Variants in ERC2 observed in about 807,000 individuals in gnomAD.
ERC2 encodes ERC protein 2.
In ERC2, 42 loss-of-function variants were observed where a neutral mutation model predicts 114.8. The ratio of observed to expected loss-of-function variants is 0.37; its 90% CI spans 0.29 to 0.47. ERC2 has a LOEUF of 0.47. Among genes scored for constraint, ERC2 ranks in the 20% least tolerant of loss-of-function variants. The pLI is 0.99. For missense variants in ERC2, 939 were observed against 1,150.7 expected (o/e 0.82, Z 2.66); for synonymous variants, 454 against 425.5 (o/e 1.07, Z -0.82).
chr3:56,371,223 C>G (rs2059351173), intron 2 of ERC2, among the ~76,000 whole-genome samples: 1 of 152,148 alleles, frequency 6.6e-6, no homozygotes, highest in African/African-American at 2.4e-5. Context: ...GTCTCAAAAC[C>G]TCTGCAGCAA....
At chr3:56,377,018 G>A (rs1180245915) in intron 2 of ERC2, among the ~76,000 whole-genome samples, 1 of 152,106 alleles carries the variant, frequency 6.6e-6, no homozygotes. Flanking sequence ...ACAGTATCCT[G>A]ATGCACCTCC....
chr3:55,525,700 C>T (rs2053266763), intron 17 of ERC2, among the ~76,000 whole-genome samples: 1 of 151,638 alleles, frequency 6.6e-6, no homozygotes, highest in East Asian at 1.9e-4. Flanking sequence ...CAAGCAAGGC[C>T]AGGCCACGTG....
chr3:56,408,876 G>C (rs766627603), intron 2 of ERC2, among the ~76,000 whole-genome samples: 1 of 152,226 alleles, frequency 6.6e-6, no homozygotes, highest in Non-Finnish European at 1.5e-5. Context: ...AAGGCCCTAA[G>C]GCACAGCTCT....
chr3:56,270,047 T>G (rs933911687), intron 3 of ERC2, among the ~76,000 whole-genome samples: 1 of 141,180 alleles, frequency 7.1e-6, no homozygotes, highest in African/African-American at 2.6e-5. Flanking sequence ...AGATATCTCC[T>G]CCCTACACCC....
intron 14 of ERC2, among the ~76,000 whole-genome samples, chr3:55,822,689 C>T (rs1193131694): frequency 6.6e-6 from 1 of 150,764 alleles, no homozygotes; most frequent in Non-Finnish European, 1.5e-5. Context: ...CTCAGCCTCC[C>T]CGAGTAGCTG....
At chr3:56,174,792 A>G (rs533460759) in intron 3 of ERC2, among the ~76,000 whole-genome samples, 1 of 152,272 alleles carries the variant, frequency 6.6e-6, no homozygotes, top group South Asian at 2.1e-4. Context: ...ATCCTGGCCA[A>G]CACGGTGAAA....
At chr3:55,956,967 A>G (rs930682313) in intron 12 of ERC2, among the ~76,000 whole-genome samples, 6 of 152,102 alleles carry the variant, frequency 3.9e-5, no homozygotes, top group Admixed American at 2.0e-4. Context: ...GGGCCCAGAG[A>G]CAAAGCCACC....
chr3:56,236,525 C>T (rs1366663793), intron 3 of ERC2, among the ~76,000 whole-genome samples: 2 of 152,126 alleles, frequency 1.3e-5, no homozygotes, highest in Non-Finnish European at 2.9e-5. Context: ...ATCCTTGGGG[C>T]TTTTCGAGAA....
intron 14 of ERC2, among the ~76,000 whole-genome samples, chr3:55,873,796 T>A (rs1299213415): frequency 6.6e-6 from 1 of 151,198 alleles, no homozygotes; most frequent in Non-Finnish European, 1.5e-5. Context: ...CCCCTTCACC[T>A]AATGTAGCTC....
At chr3:56,163,705 T>C in intron 4 of ERC2, among the ~76,000 whole-genome samples, 1 of 152,128 alleles carries the variant, frequency 6.6e-6, no homozygotes, top group South Asian at 2.1e-4. Flanking sequence ...GTTTGTTTGC[T>C]TTTTATTTGC....
chr3:56,340,024 C>T (rs1024275230), intron 2 of ERC2, among the ~76,000 whole-genome samples: 2 of 152,156 alleles, frequency 1.3e-5, no homozygotes, highest in Non-Finnish European at 2.9e-5. Flanking sequence ...AAGTGACATC[C>T]TGATGCAAAT....
rs534342000 is a variant in ERC2, at chr3:55,823,615, C to T, written c.2564+64774G>A. 1.6e-4 allele frequency among the ~76,000 whole-genome samples: 25 copies of T among 152,290 alleles called. No individual in the cohort carries two copies. In the South Asian group the frequency reaches 4.8e-3, roughly 29 times the overall value. On this transcript the variant is annotated intron_variant, in intron 14 of 17. Coordinates refer to ENST00000288221, the MANE Select transcript of ERC2 (RefSeq NM_015576.3). ...GACCTGGCCTACTGGAATTGAGAAGCTTTCTCTAAATCCATAGATGAGTAG... is the reference window on the plus strand; with the variant it reads ...GACCTGGCCTACTGGAATTGAGAAGTTTTCTCTAAATCCATAGATGAGTAG...
At chr3:56,266,285 C>G (rs959385829) in intron 3 of ERC2, among the ~76,000 whole-genome samples, 3 of 151,242 alleles carry the variant, frequency 2.0e-5, no homozygotes, top group African/African-American at 7.3e-5. Context: ...CGCCCACCAC[C>G]ATGCCCAGCT....
intron 3 of ERC2, among the ~76,000 whole-genome samples, chr3:56,188,171 C>G (rs972645537): frequency 3.3e-5 from 5 of 152,210 alleles, no homozygotes; most frequent in African/African-American, 1.2e-4. Flanking sequence ...GAGGGCCACC[C>G]TTCTGGGCAT....
intron 1 of ERC2, among the ~76,000 whole-genome samples, chr3:56,453,289 T>G (rs2062908201): frequency 6.6e-6 from 1 of 152,122 alleles, no homozygotes; most frequent in African/African-American, 2.4e-5. Context: ...GGGTAAAACA[T>G]TCTTTTTTCT....
chr3:56,358,610 G>A (rs982329420), intron 2 of ERC2, among the ~76,000 whole-genome samples: 10 of 152,334 alleles, frequency 6.6e-5, no homozygotes, highest in African/African-American at 2.2e-4. Flanking sequence ...ATCCAAAAAT[G>A]TGCAACAGAT....
chr3:55,831,551 G>A (rs989877523), intron 14 of ERC2, among the ~76,000 whole-genome samples: 13 of 152,028 alleles, frequency 8.6e-5, no homozygotes, highest in Non-Finnish European at 1.8e-4. Flanking sequence ...ATAATAAAAT[G>A]GTAAACCTAA....
chr3:55,742,177 T>C (rs1165658709), intron 14 of ERC2, among the ~76,000 whole-genome samples: 5 of 152,128 alleles, frequency 3.3e-5, no homozygotes, highest in East Asian at 3.9e-4. Flanking sequence ...ATGCCTTCTT[T>C]TGAGTGTCGC....
intron 15 of ERC2, among the ~76,000 whole-genome samples, chr3:55,718,267 T>G (rs1314107795): frequency 6.6e-6 from 1 of 152,028 alleles, no homozygotes; most frequent in African/African-American, 2.4e-5. Context: ...AGCTATAATA[T>G]CAAGAAATTC....
Sources: gnomAD v4.1 joint callset for allele counts (sites outside exome capture counted in the v4.1 genomes callset) on GRCh38, gnomAD v4.1.1 for gene constraint, MANE v1.5 for transcripts, NCBI Gene and HGNC (gene_info 2026-07-23, HGNC 2026-07-21) for gene names.